The following ATG5 variants were observed in gnomAD, a reference collection of about 807,000 sequenced individuals.
ATG5 encodes autophagy protein 5.
ATG5 carries 14 observed loss-of-function variants against 36.5 expected under a neutral mutation model. That is an observed-to-expected ratio of 0.38 (90% CI 0.25 to 0.60). ATG5 has a LOEUF of 0.60. ATG5 is among the 20% of genes least tolerant of loss of function. The pLI, the probability that ATG5 is intolerant of heterozygous loss-of-function variation, is 0.60. For synonymous variants in ATG5, 95 were observed against 101.5 expected, an observed-to-expected ratio of 0.94 and a Z score of 0.38; for missense variants, 195 against 326.7, an observed-to-expected ratio of 0.60 and a Z score of 3.11.
At chr6:106,226,757 T>C (rs751358942) in intron 6 of ATG5, among the ~76,000 whole-genome samples, 3 of 151,912 alleles carry the variant, frequency 2.0e-5, no homozygotes, top group African/African-American at 4.8e-5. Context: ...CAAACAGAAA[T>C]AGAAATTATA....
At chr6:106,271,130 G>T (rs1779436714) in intron 5 of ATG5, among the ~76,000 whole-genome samples, 1 of 152,050 alleles carries the variant, frequency 6.6e-6, no homozygotes, top group African/African-American at 2.4e-5. Context: ...TGTTTTCCTT[G>T]GCCTACAAGG....
chr6:106,213,543 AAT>A (rs1347527688), intron 6 of ATG5, among the ~76,000 whole-genome samples: 1 of 152,160 alleles, frequency 6.6e-6, no homozygotes, highest in Non-Finnish European at 1.5e-5. Context: ...TTTTTTTTTA[AAT>A]AGAGAAAGAG....
intron 5 of ATG5, among the ~76,000 whole-genome samples, chr6:106,251,669 G>C (rs991838536): frequency 4.0e-5 from 3 of 75,254 alleles, no homozygotes; most frequent in Admixed American, 1.3e-4. Context: ...GGAAGGGAGG[G>C]GGAGGGGGAG....
chr6:106,198,370 A>G (rs1403369129), intron 7 of ATG5, among the ~76,000 whole-genome samples: 1 of 152,202 alleles, frequency 6.6e-6, no homozygotes, highest in Non-Finnish European at 1.5e-5. Context: ...AAAATATGTA[A>G]ATGTATTGCC....
chr6:106,225,431 T>C (rs1463539165), intron 6 of ATG5, among the ~76,000 whole-genome samples: 2 of 150,526 alleles, frequency 1.3e-5, no homozygotes, highest in Non-Finnish European at 2.9e-5. Context: ...TTAAGCAATA[T>C]ACTGAGTTGA....
intron 1 of ATG5, among the ~76,000 whole-genome samples, chr6:106,323,530 C>T (rs1040312192): frequency 3.9e-5 from 6 of 152,040 alleles, no homozygotes; most frequent in Admixed American, 1.3e-4. Context: ...TGAGCCATCA[C>T]GCCCGGCCAA....
chr6:106,246,392 T>TCTCTCACACA (rs1387498156), intron 6 of ATG5, among the ~76,000 whole-genome samples: 14 of 129,642 alleles, frequency 1.1e-4, no homozygotes, highest in South Asian at 7.5e-4. Context: ...TCTCTCTCTC[T>TCTCTCACACA]CACACACACA....
intron 3 of ATG5, among the ~76,000 whole-genome samples, chr6:106,308,000 T>C (rs1008905157): frequency 6.6e-6 from 1 of 152,176 alleles, no homozygotes; most frequent in African/African-American, 2.4e-5. Context: ...GGTAATCATG[T>C]ATATAAAGAT....
intron 6 of ATG5, among the ~76,000 whole-genome samples, chr6:106,238,832 T>A (rs1777996779): frequency 6.6e-6 from 1 of 152,200 alleles, no homozygotes; most frequent in African/African-American, 2.4e-5. Context: ...TAGTATTTTT[T>A]AATAACCTGA....
chr6:106,289,938 T>C (rs760449830), intron 4 of ATG5, among the ~76,000 whole-genome samples: 10 of 152,156 alleles, frequency 6.6e-5, no homozygotes, highest in Admixed American at 2.6e-4. Context: ...CACAAAGATA[T>C]GTAGTTTAAA....
chr6:106,204,601 T>C (rs1404389060), intron 6 of ATG5, among the ~76,000 whole-genome samples: 4 of 152,112 alleles, frequency 2.6e-5, no homozygotes, highest in African/African-American at 4.8e-5. Context: ...GATTGGGTCA[T>C]AGGGGTGGTT....
intron 3 of ATG5, among the ~76,000 whole-genome samples, chr6:106,295,967 TATAA>T (rs897217756): frequency 5.3e-5 from 8 of 152,148 alleles, no homozygotes; most frequent in African/African-American, 1.7e-4. Context: ...ACGAGAAAAC[TATAA>T]ATATTTTAAA....
At chr6:106,255,838 A>C (rs1383780913) in intron 5 of ATG5, among the ~76,000 whole-genome samples, 1 of 152,238 alleles carries the variant, frequency 6.6e-6, no homozygotes, top group Non-Finnish European at 1.5e-5. Context: ...ACAGAGCTAC[A>C]GCACAGTGGT....
chr6:106,297,719 C>T (rs1199824453), intron 3 of ATG5, among the ~76,000 whole-genome samples: 1 of 54,306 alleles, frequency 1.8e-5, no homozygotes, highest in Non-Finnish European at 3.2e-5. Context: ...ATGACTTAAA[C>T]ACACACACAC....
intron 6 of ATG5, among the ~76,000 whole-genome samples, chr6:106,235,714 T>C (rs957053468): frequency 3.3e-5 from 5 of 152,100 alleles, no homozygotes; most frequent in Non-Finnish European, 5.9e-5. Flanking sequence ...GATCGGGATA[T>C]AAACCCAGGC....
intron 5 of ATG5, among the ~76,000 whole-genome samples, chr6:106,266,230 T>C (rs753377610): frequency 6.6e-6 from 1 of 152,134 alleles, no homozygotes; most frequent in Non-Finnish European, 1.5e-5. Context: ...TCTATGTAAA[T>C]AAACTAGACA....
chr6:106,256,466 T>C (rs1778802727), intron 5 of ATG5, among the ~76,000 whole-genome samples: 1 of 152,226 alleles, frequency 6.6e-6, no homozygotes, highest in Non-Finnish European at 1.5e-5. Flanking sequence ...GATTCTAATA[T>C]ATAGCCAGCG....
intron 5 of ATG5, among the ~76,000 whole-genome samples, chr6:106,266,434 C>T (rs1779232048): frequency 6.6e-6 from 1 of 152,088 alleles, no homozygotes; most frequent in Non-Finnish European, 1.5e-5. Flanking sequence ...GAACTGGTAC[C>T]ACCATTCCTT....
intron 7 of ATG5, among the ~76,000 whole-genome samples, chr6:106,195,772 T>A (rs1279382839): frequency 6.8e-6 from 1 of 146,014 alleles, no homozygotes; most frequent in Non-Finnish European, 1.5e-5. Context: ...GTTTGTGGAT[T>A]AGGTTGTGTG....
Sources: allele counts gnomAD v4.1 joint callset (sites outside exome capture counted in the v4.1 genomes callset), GRCh38; gene constraint gnomAD v4.1.1; transcripts MANE v1.5; gene names NCBI Gene and HGNC (gene_info 2026-07-23, HGNC 2026-07-21).